The following TRIB1 variants were observed in gnomAD, a reference collection of about 807,000 sequenced individuals.
TRIB1 encodes tribbles pseudokinase 1.
In TRIB1, 12 loss-of-function variants were observed where a neutral mutation model predicts 27.8. The ratio of observed to expected loss-of-function variants is 0.43; its 90% CI spans 0.28 to 0.70. The LOEUF (loss-of-function observed/expected upper bound fraction) is 0.70. TRIB1 is among the 30% of genes least tolerant of loss of function. The pLI is 0.18. For missense variants in TRIB1, 475 were observed against 515.8 expected (o/e 0.92, Z 0.77); for synonymous variants, 230 against 224.9 (o/e 1.02, Z -0.20).
Position 125,436,283 on chromosome 8 carries a change from G to A in TRIB1, c.931G>A (p.Ala311Thr). The A allele has an allele frequency of 6.2e-7, 1 of 1,613,930 alleles. No homozygotes were observed. The highest frequency in any genetic ancestry group is 8.5e-7 in the Non-Finnish European group (1 of 1,179,998). The stretch of plus-strand genomic sequence containing the variant: ...CATTCCTGAGCACATTTCCCCCAAA[G>A]CCAGGTGCCTCATTCGCAGCCTCTT... Reference protein sequence around the residue: ...FCIPEHISPKARCLIRSLLRR... With the variant: ...FCIPEHISPKTRCLIRSLLRR... Residue 311 changes from alanine to threonine, a missense_variant, in exon 3 of 3, where the codon GCC (alanine) becomes ACC (threonine). Transcript: ENST00000311922.
Position 125,436,309 on chromosome 8 carries a change from G to A in TRIB1, c.957G>A (p.Leu319=), listed in dbSNP as rs1245698802. Residue 319 remains leucine (L), a synonymous_variant, in exon 3 of 3, where the codon TTG becomes TTA. Transcript: ENST00000311922. ...CCAGGTGCCTCATTCGCAGCCTCTT[G>A]AGACGGGAGCCCTCCGAGAGACTCA... ...PKARCLIRSL[L]RREPSERLTA... 6.2e-7 allele frequency: 1 copy of A among 1,613,934 alleles called. No individual in the cohort carries two copies. Among genetic ancestry groups the A allele is most frequent in the Admixed American group, 1.7e-5 (1 of 60,004 alleles).
At chr8:125,435,443 G>A (rs962670293) in intron 2 of TRIB1, among the ~76,000 whole-genome samples, 2 of 152,190 alleles carry the variant, frequency 1.3e-5, no homozygotes, top group African/African-American at 2.4e-5. Flanking sequence ...GGGCCCAGGA[G>A]GACAAAGTTT....
Position 125,436,115 on chromosome 8 carries a change from A to G in TRIB1, c.763A>G (p.Asn255Asp). The G allele has an allele frequency of 6.2e-7, 1 of 1,614,140 alleles. No individual in the cohort carries two copies. The highest frequency in any genetic ancestry group is 8.5e-7 in the Non-Finnish European group (1 of 1,180,018). The change falls in exon 3 of 3, where the codon AAC becomes GAC. Residue 255 changes from asparagine (N) to aspartate (D), a missense_variant. Asn to Asp is a conservative substitution (Grantham distance 23). Transcript: ENST00000311922. Reference protein sequence around the residue: ...CPAYVSPEILNTTGTYSGKAA... With the variant: ...CPAYVSPEILDTTGTYSGKAA... ...AGCCTACGTGAGCCCTGAGATCCTCAACACCACTGGGACCTACTCCGGAAA... is the reference window on the plus strand; with the variant it reads ...AGCCTACGTGAGCCCTGAGATCCTCGACACCACTGGGACCTACTCCGGAAA...
chr8:125,432,117 G>A, intron 1 of TRIB1: 1 of 381,100 alleles, frequency 2.6e-6, no homozygotes, highest in Non-Finnish European at 3.6e-6. Context: ...CGAAAGATAG[G>A]ATCACCCCCC....
Position 125,436,449 on chromosome 8 carries a change from A to G in TRIB1, c.1097A>G (p.Asp366Gly), listed in dbSNP as rs1337409497. ...GTTCCAGAGTACCAGGAGGACAGTGACATTAGTTCCTTCTTCTGCTAATCC... is the reference window on the plus strand; with the variant it reads ...GTTCCAGAGTACCAGGAGGACAGTGGCATTAGTTCCTTCTTCTGCTAATCC... Reference protein sequence around the residue: ...QIVPEYQEDSDISSFFC With the variant: ...QIVPEYQEDSGISSFFC Residue 366 changes from aspartate (D) to glycine (G), a missense_variant, in exon 3 of 3, where the codon GAC becomes GGC. By Grantham distance (94) the Asp-to-Gly change is moderately conservative (BLOSUM62 -1). Transcript: ENST00000311922. The G allele has an allele frequency of 6.2e-7, 1 of 1,613,492 alleles. No individual in the cohort carries two copies. The highest frequency in any genetic ancestry group is 1.7e-5 in the Admixed American group (1 of 60,010).
In TRIB1 at chr8:125,436,755, A is replaced by G. The variant is rs931471812; in HGVS notation, c.*284A>G. 5 of 500,162 alleles carry G rather than the reference A, an allele frequency of 1.0e-5. 1 individual carries two copies. The highest frequency in any genetic ancestry group is 3.6e-5 in the Admixed American group (1 of 27,718). 31.0% of individuals were successfully genotyped at this position (500,162 alleles called of 1,614,324 possible). A position where few individuals can be genotyped will look rare whatever the true frequency, so the allele number is the denominator to read the frequency against. On this transcript the variant is annotated 3_prime_UTR_variant, in exon 3 of 3. Coordinates refer to ENST00000311922, the MANE Select transcript of TRIB1 (RefSeq NM_025195.4). ...CCGCATCTTTTGTGGAGGGCAGAGT[A>G]TGGACATCTTACACCCGGTGGTCAA...
Position 125,437,577 on chromosome 8 carries a change from A to C in TRIB1, c.*1106A>C, listed in dbSNP as rs908435497. The C allele has an allele frequency of 1.3e-5, 2 of 152,348 alleles. No homozygotes were observed. The highest frequency in any genetic ancestry group is 2.9e-5 in the Non-Finnish European group (2 of 68,042). The allele number at this position is 152,348 out of a possible 1,614,324, so 9.4% of individuals were successfully genotyped here. ...AATATTTCAAATGTGTGGTTTATGA[A>C]TACGTCTGTATAATCGGCTTCTGGA... On this transcript the variant is annotated 3_prime_UTR_variant, in exon 3 of 3. Transcript: ENST00000311922.
rs1484514716 is a variant in TRIB1 at position 125,433,661 on chromosome 8, T to C, written c.653+52T>C. ...TGGCCTTTTGGAACCAAAGCGGAGG[T>C]GCAGGTCATGTAGTTAGGTGCTGTG... On this transcript the variant is annotated intron_variant, in intron 2 of 2. Transcript: ENST00000311922. This position sits in a 1 kb window ranked among gnomAD's most constrained non-coding sequence, Gnocchi z 4.4. 1.3e-6 allele frequency: 2 copies of C among 1,576,288 alleles called. No homozygotes were observed. The highest frequency in any genetic ancestry group is 1.7e-6 in the Non-Finnish European group (2 of 1,157,810).
chr8:125,433,234 A>C lies in TRIB1; in HGVS notation c.361-83A>C. ...TCACATCCTAAGCCCACAGGTTGAG[A>C]ACTTCTGTTCAGCTCCCTCAGGGGT... On this transcript the variant is annotated intron_variant, in intron 1 of 2. Transcript: ENST00000311922. This position sits in a 1 kb window ranked among gnomAD's most constrained non-coding sequence, Gnocchi z 4.4. 3 of 1,419,100 alleles carry C rather than the reference A, an allele frequency of 2.1e-6. No individual in the cohort carries two copies. The highest frequency in any genetic ancestry group is 2.9e-6 in the Non-Finnish European group (3 of 1,035,774). 87.9% of individuals were successfully genotyped at this position (1,419,100 alleles called of 1,614,324 possible). A position where few individuals can be genotyped will look rare whatever the true frequency, so the allele number is the denominator to read the frequency against.
At chr8:125,435,022 G>A (rs780951773) in intron 2 of TRIB1, among the ~76,000 whole-genome samples, 7 of 152,114 alleles carry the variant, frequency 4.6e-5, no homozygotes, top group Non-Finnish European at 8.8e-5. Flanking sequence ...TTACTGAAAC[G>A]GGTATTTCAG....
Position 125,433,242 on chromosome 8 carries a change from T to C in TRIB1, c.361-75T>C. ...TAAGCCCACAGGTTGAGAACTTCTG[T>C]TCAGCTCCCTCAGGGGTTTGGGAGG... is the stretch of plus-strand genomic sequence containing the variant. On this transcript the variant is annotated intron_variant, in intron 1 of 2. Coordinates refer to ENST00000311922, the MANE Select transcript of TRIB1 (RefSeq NM_025195.4). The surrounding 1 kb of genome is among the most constrained non-coding windows in gnomAD (Gnocchi z 4.4). 1 of 1,483,682 alleles carries C rather than the reference T, an allele frequency of 6.7e-7. No homozygotes were observed. Among genetic ancestry groups the C allele is most frequent in the Non-Finnish European group, 9.2e-7 (1 of 1,086,052 alleles). The allele number at this position is 1,483,682 out of a possible 1,614,324, so 91.9% of individuals were successfully genotyped here. A position where few individuals can be genotyped will look rare whatever the true frequency, so the allele number is the denominator to read the frequency against.
intron 2 of TRIB1, among the ~76,000 whole-genome samples, chr8:125,435,427 C>T (rs1410830218): frequency 6.6e-6 from 1 of 152,198 alleles, no homozygotes; most frequent in Non-Finnish European, 1.5e-5. Context: ...CTAATTGTTG[C>T]AGCCTGGGCC....
At position 125,433,155 on chromosome 8, in the gene TRIB1, T is replaced by G; in HGVS notation, c.361-162T>G. 1 of 740,540 alleles carries G rather than the reference T, an allele frequency of 1.4e-6. No individual in the cohort carries two copies. Among genetic ancestry groups the G allele is most frequent in the Non-Finnish European group, 2.3e-6 (1 of 444,348 alleles). The allele number at this position is 740,540 out of a possible 1,614,324, so 45.9% of individuals were successfully genotyped here. A position where few individuals can be genotyped will look rare whatever the true frequency, so the allele number is the denominator to read the frequency against. On this transcript the variant is annotated intron_variant, in intron 1 of 2. Transcript: ENST00000311922. This position sits in a 1 kb window ranked among gnomAD's most constrained non-coding sequence, Gnocchi z 4.4. ...TGGTTTTAAAGGTGTCAGGGGCAGC[T>G]GGGGCTGCGTAAGGTAAGGTGGCAG... is the stretch of plus-strand genomic sequence containing the variant.
At chr8:125,435,954 T>A in intron 2 of TRIB1, 52 bp from the exon 3 acceptor site, 2 of 1,519,080 alleles carry the variant, frequency 1.3e-6, no homozygotes, top group Non-Finnish European at 1.8e-6. Flanking sequence ...GAAGGCTTTG[T>A]TTTTCATAGC....
chr8:125,431,401 AC>A, intron 1 of TRIB1, 139 bp downstream of exon 1: 3 of 970,242 alleles, frequency 3.1e-6, no homozygotes, highest in Non-Finnish European at 4.0e-6. Context: ...ACGCCATTTG[AC>A]CAGGTTCACG....
Position 125,431,250 on chromosome 8 carries a change from G to A in TRIB1, c.348G>A (p.Glu116=). 1.6e-6 allele frequency: 2 copies of A among 1,263,610 alleles called. No homozygotes were observed. 78.3% of individuals were successfully genotyped at this position (1,263,610 alleles called of 1,614,324 possible). The part of the protein sequence containing the change: ...SRALCIHTGR[E]LRCKVFPIKH... ...CGCTGTGCATCCACACTGGACGCGA[G>A]CTGCGCTGCAAGGTAGGCGCTCCCG... The change falls in exon 1 of 3, where the codon GAG becomes GAA. Residue 116 remains glutamate (E), a synonymous_variant. Transcript: ENST00000311922.
At chr8:125,435,610 G>C (rs1304223221) in intron 2 of TRIB1, among the ~76,000 whole-genome samples, 1 of 152,184 alleles carries the variant, frequency 6.6e-6, no homozygotes, top group Non-Finnish European at 1.5e-5. Flanking sequence ...GGCCCTCTCT[G>C]AAGAAGTAGG....
rs1814786850 is a variant in TRIB1, at chr8:125,438,170, T to C, written c.*1699T>C. 4 of 152,842 alleles carry C rather than the reference T, an allele frequency of 2.6e-5. 1 individual carries two copies. The highest frequency in any genetic ancestry group is 3.8e-4 in the East Asian group (2 of 5,318). The allele number at this position is 152,842 out of a possible 1,614,324, so 9.5% of individuals were successfully genotyped here. A position where few individuals can be genotyped will look rare whatever the true frequency, so the allele number is the denominator to read the frequency against. The stretch of plus-strand genomic sequence containing the variant: ...TATTGGCAATATTACCTTGACAGAA[T>C]CATGGGACTTTGAGAAGAGGGAGGA... On this transcript the variant is annotated 3_prime_UTR_variant, in exon 3 of 3. Transcript: ENST00000311922.
rs1814787053 is a variant in TRIB1, at chr8:125,438,178, C to CT, written c.*1710dup. ...ATATTACCTTGACAGAATCATGGGA[C>CT]TTTGAGAAGAGGGAGGACAGAGGCC... On this transcript the variant is annotated 3_prime_UTR_variant, in exon 3 of 3. Transcript: ENST00000311922. 2 of 152,644 alleles carry CT rather than the reference C, an allele frequency of 1.3e-5. No individual in the cohort carries two copies. Among genetic ancestry groups the CT allele is most frequent in the Non-Finnish European group, 2.9e-5 (2 of 68,032 alleles). The allele number at this position is 152,644 out of a possible 1,614,324, so 9.5% of individuals were successfully genotyped here.
Sources: allele counts gnomAD v4.1 joint callset (sites outside exome capture counted in the v4.1 genomes callset), GRCh38; gene constraint gnomAD v4.1.1; non-coding constraint Gnocchi (gnomAD v3.1); transcripts MANE v1.5; gene names NCBI Gene and HGNC (gene_info 2026-07-23, HGNC 2026-07-21).